The following SSX2IP variants were observed in gnomAD, a reference collection of about 807,000 sequenced individuals.
SSX2IP encodes the protein afadin- and alpha-actinin-binding protein.
SSX2IP carries 55 observed loss-of-function variants against 84.9 expected under a neutral mutation model. The ratio of observed to expected loss-of-function variants is 0.65; its 90% confidence interval spans 0.52 to 0.81. SSX2IP has a LOEUF of 0.81. SSX2IP is among the 30% of genes least tolerant of loss of function. The pLI is 0.00. For missense variants in SSX2IP, 664 were observed against 705.2 expected, an observed-to-expected ratio of 0.94 and a Z score of 0.66; for synonymous variants, 239 against 234.7, an observed-to-expected ratio of 1.02 and a Z score of -0.17.
chr1:84,651,677 A>G (rs2102179036), intron 12 of SSX2IP, among the ~76,000 whole-genome samples: 1 of 152,146 alleles, frequency 6.6e-6, no homozygotes, highest in South Asian at 2.1e-4. Context: ...GCAGTCAGCC[A>G]AGGTCACGTC....
chr1:84,660,325 A>G (rs1379203096), intron 8 of SSX2IP, among the ~76,000 whole-genome samples: 1 of 152,198 alleles, frequency 6.6e-6, no homozygotes, highest in Non-Finnish European at 1.5e-5. Flanking sequence ...TAATCACTGA[A>G]GAAAGATCTC....
rs117941708 is a variant in SSX2IP, at chr1:84,684,169, C to T, written c.-90+6202G>A. Among the ~76,000 whole-genome samples, 49 of 152,238 alleles carry T rather than the reference C, an allele frequency of 3.2e-4. 1 individual carries two copies. In the East Asian group the frequency reaches 7.7e-3, roughly 24 times the overall value. ...TTCAATCATTGGTTATAGTTGTCAA[C>T]GTGTGGTCCTGGGACCAGCAGCATC... On this transcript the variant is annotated intron_variant, in intron 1 of 13. Coordinates refer to ENST00000342203, the MANE Select transcript of SSX2IP (RefSeq NM_001166293.2).
chr1:84,651,734 A>T, intron 12 of SSX2IP, 149 bp downstream of exon 12: 1 of 558,198 alleles, frequency 1.8e-6, no homozygotes. Context: ...TCTCAAAAAC[A>T]AACAAAAAAA....
chr1:84,679,881 C>T (rs751378216), intron 1 of SSX2IP, among the ~76,000 whole-genome samples: 1 of 152,148 alleles, frequency 6.6e-6, no homozygotes, highest in Admixed American at 6.5e-5. Context: ...CCCAAGGTCA[C>T]AGAGCTAGCA....
At position 84,668,373 on chromosome 1, in the gene SSX2IP, T is replaced by C. The variant is rs563100023; in HGVS notation, c.426+1308A>G. Among the ~76,000 whole-genome samples the C allele has an allele frequency of 5.3e-4, 81 of 152,134 alleles. 1 individual carries two copies. The highest frequency in any genetic ancestry group is 9.1e-4 in the Non-Finnish European group (62 of 68,006). On this transcript the variant is annotated intron_variant, in intron 4 of 13. Transcript: ENST00000342203. Reference sequence around the variant, plus strand: ...ATAACTCATAACCTTTTCACAAGCCTAGGGGGCACCAAATACCCTCTCCAA... The same window carrying C: ...ATAACTCATAACCTTTTCACAAGCCCAGGGGGCACCAAATACCCTCTCCAA...
chr1:84,650,853 C>T (rs190450265), intron 12 of SSX2IP, among the ~76,000 whole-genome samples: 4,833 of 152,066 alleles, frequency 0.032, 118 homozygotes, highest in Non-Finnish European at 0.046. Flanking sequence ...TACAGGGGCC[C>T]GCCACCATGC....
intron 13 of SSX2IP, among the ~76,000 whole-genome samples, chr1:84,649,227 C>T (rs1649878166): frequency 6.6e-6 from 1 of 152,106 alleles, no homozygotes; most frequent in Non-Finnish European, 1.5e-5. Context: ...CATAGGTACA[C>T]GTGGGTTCAC....
At chr1:84,664,761 T>C (rs926557574) in intron 5 of SSX2IP, among the ~76,000 whole-genome samples, 1 of 152,130 alleles carries the variant, frequency 6.6e-6, no homozygotes. Flanking sequence ...ATTTTCTAAA[T>C]TATCTCCTAT....
intron 1 of SSX2IP, among the ~76,000 whole-genome samples, chr1:84,681,635 T>C (rs892677749): frequency 1.2e-4 from 18 of 152,220 alleles, no homozygotes; most frequent in African/African-American, 3.9e-4. Context: ...GTAAAATTTT[T>C]AGCAGCAGAG....
intron 1 of SSX2IP, among the ~76,000 whole-genome samples, chr1:84,681,928 A>C (rs760635533): frequency 2.0e-5 from 3 of 152,222 alleles, no homozygotes; most frequent in Non-Finnish European, 4.4e-5. Flanking sequence ...AAAGCCATGG[A>C]GTACTGGCAG....
chr1:84,690,614 G>C (rs997693720), upstream of SSX2IP: 6 of 152,312 alleles, frequency 3.9e-5, no homozygotes, highest in Non-Finnish European at 1.5e-5. Flanking sequence ...CCAGTTGCTA[G>C]GCGATGAACA....
intron 11 of SSX2IP, among the ~76,000 whole-genome samples, chr1:84,654,537 T>G (rs1162329211): frequency 6.6e-6 from 1 of 152,002 alleles, no homozygotes; most frequent in African/African-American, 2.4e-5. Context: ...ATTACTAATA[T>G]AGCGAATTGA....
chr1:84,664,434 T>C lies in SSX2IP; in HGVS notation c.656A>G (p.Lys219Arg), dbSNP rs1476916179. 1.3e-6 allele frequency: 2 copies of C among 1,589,086 alleles called. No homozygotes were observed. The highest frequency in any genetic ancestry group is 1.7e-6 in the Non-Finnish European group (2 of 1,172,158). Residue 219 changes from lysine to arginine, a missense_variant, in exon 6 of 14, where the codon AAG (lysine) becomes AGG (arginine). Transcript: ENST00000342203. ...KERLHQLVMN[K>R]KDKKIAMDIL... ...CTGTTTACCTATTTTCTTATCTTTC[T>C]TGTTCATAACAAGTTGATGTAGACG...
intron 5 of SSX2IP, 33 bp downstream of exon 5, chr1:84,666,089 C>T: frequency 1.3e-6 from 2 of 1,541,716 alleles, no homozygotes; most frequent in Non-Finnish European, 1.8e-6. Flanking sequence ...CAAAAATTCA[C>T]TTAAACTTCA....
intron 1 of SSX2IP, among the ~76,000 whole-genome samples, chr1:84,681,376 C>T (rs1291609015): frequency 1.3e-5 from 2 of 152,154 alleles, no homozygotes; most frequent in Non-Finnish European, 2.9e-5. Flanking sequence ...AAGATTAAAG[C>T]ACATATGCAT....
chr1:84,689,526 C>T (rs1656283269), intron 1 of SSX2IP, among the ~76,000 whole-genome samples: 1 of 152,232 alleles, frequency 6.6e-6, no homozygotes. Flanking sequence ...TCTCAATTCT[C>T]TCAGATTCAA....
At chr1:84,658,186 C>T (rs745408545) in intron 9 of SSX2IP, 132 bp downstream of exon 9, 109 of 899,934 alleles carry the variant, frequency 1.2e-4, no homozygotes, top group Non-Finnish European at 1.7e-4. Flanking sequence ...TATGCAAAAT[C>T]TTGCTTTCAA....
At position 84,656,551 on chromosome 1, in the gene SSX2IP, T is replaced by G. The variant is rs771240941; in HGVS notation, c.1079-67A>C. On this transcript the variant is annotated intron_variant, in intron 9 of 13. Transcript: ENST00000342203. ...CACTTAGTTTACAGTGTTTTGCACA[T>G]ATCTTTAAAACAAGGGCTCTCAGAA... 5.0e-6 allele frequency: 7 copies of G among 1,393,680 alleles called. No homozygotes were observed. The African/African-American group carries it at 1.0e-4, about 20-fold the overall frequency. The allele number at this position is 1,393,680 out of a possible 1,614,324, so 86.3% of individuals were successfully genotyped here.
intron 11 of SSX2IP, chr1:84,652,571 A>T (rs538548650): frequency 6.6e-6 from 1 of 152,306 alleles, no homozygotes; most frequent in South Asian, 2.1e-4. Context: ...CTCTACTAAA[A>T]ATACAAAATT....
Sources: gnomAD v4.1 joint callset for allele counts (sites outside exome capture counted in the v4.1 genomes callset) on GRCh38, gnomAD v4.1.1 for gene constraint, MANE v1.5 for transcripts, NCBI Gene and HGNC (gene_info 2026-07-23, HGNC 2026-07-21) for gene names.